The following DGKI variants were observed in gnomAD, a reference collection of about 807,000 sequenced individuals.
DGKI encodes diacylglycerol kinase iota.
DGKI carries 55 observed loss-of-function variants against 147.5 expected under a neutral mutation model. The ratio of observed to expected loss-of-function variants is 0.37; its 90% CI spans 0.30 to 0.47. The LOEUF is 0.47. DGKI is among the 20% of genes least tolerant of loss of function. DGKI has a pLI of 1.00. For missense variants in DGKI, 1,007 were observed against 1,323.8 expected (o/e 0.76, Z 3.71); for synonymous variants, 469 against 477.1 (o/e 0.98, Z 0.22).
At chr7:137,573,393 T>C (rs1818858790) in intron 17 of DGKI, among the ~76,000 whole-genome samples, 1 of 152,224 alleles carries the variant, frequency 6.6e-6, no homozygotes, top group South Asian at 2.1e-4. Flanking sequence ...CATACAGTAG[T>C]ATTATCTTCA....
rs1352314846 is a variant in DGKI, at chr7:137,387,440, G to C, written c.*3780C>G. 6.6e-6 allele frequency: 1 copy of C among 152,072 alleles called. No homozygotes were observed. The highest frequency in any genetic ancestry group is 1.5e-5 in the Non-Finnish European group (1 of 68,012). 9.4% of individuals were successfully genotyped at this position (152,072 alleles called of 1,614,324 possible). A position where few individuals can be genotyped will look rare whatever the true frequency, so the allele number is the denominator to read the frequency against. On this transcript the variant is annotated 3_prime_UTR_variant, in exon 33 of 33. Coordinates refer to ENST00000614521, the MANE Select transcript of DGKI (RefSeq NM_001321708.2). ...TCTGTTTAACCTGTCTTTGCCTACTGGTGTTCACTAGACATATACAAATGA... is the reference window on the plus strand; with the variant it reads ...TCTGTTTAACCTGTCTTTGCCTACTCGTGTTCACTAGACATATACAAATGA...
At chr7:137,672,773 T>A (rs1448516049) in intron 3 of DGKI, among the ~76,000 whole-genome samples, 1 of 63,332 alleles carries the variant, frequency 1.6e-5, no homozygotes, top group African/African-American at 5.4e-5. Context: ...TGTCTTTTTT[T>A]TTTTTTTTTT....
intron 8 of DGKI, among the ~76,000 whole-genome samples, chr7:137,618,152 T>TGTATATA (rs1554442534): frequency 2.1e-4 from 3 of 14,390 alleles, no homozygotes; most frequent in African/African-American, 3.9e-4. Flanking sequence ...TATATATATA[T>TGTATATA]TTTTTTTTTT....
At chr7:137,544,039 T>A (rs978320393) in intron 20 of DGKI, among the ~76,000 whole-genome samples, 1 of 152,188 alleles carries the variant, frequency 6.6e-6, no homozygotes, top group African/African-American at 2.4e-5. Flanking sequence ...TAAAATATTT[T>A]CAAATTAACA....
At chr7:137,469,013 TA>T (rs1179002579) in intron 24 of DGKI, among the ~76,000 whole-genome samples, 2 of 152,068 alleles carry the variant, frequency 1.3e-5, no homozygotes, top group Non-Finnish European at 2.9e-5. Context: ...ATACTTGAGA[TA>T]AAAAAACGGA....
intron 1 of DGKI, among the ~76,000 whole-genome samples, chr7:137,830,974 C>T (rs1798200905): frequency 1.3e-5 from 2 of 152,178 alleles, no homozygotes; most frequent in South Asian, 2.1e-4. Flanking sequence ...GTGATAACTA[C>T]TCAGAGTTGT....
At chr7:137,707,049 C>T (rs2116542016) in intron 1 of DGKI, among the ~76,000 whole-genome samples, 1 of 152,320 alleles carries the variant, frequency 6.6e-6, no homozygotes, top group South Asian at 2.1e-4. Flanking sequence ...TCTATCCTTC[C>T]TAACAGTCTC....
intron 1 of DGKI, among the ~76,000 whole-genome samples, chr7:137,802,829 C>G (rs905219696): frequency 2.8e-4 from 43 of 152,158 alleles, no homozygotes; most frequent in African/African-American, 9.9e-4. Context: ...ACATCTTACT[C>G]TGGCCTTTAT....
chr7:137,635,268 C>T (rs1053251974), intron 6 of DGKI, among the ~76,000 whole-genome samples: 2 of 152,182 alleles, frequency 1.3e-5, no homozygotes, highest in Admixed American at 1.3e-4. Flanking sequence ...GAGCTGGCTC[C>T]TGCCACTGCT....
intron 28 of DGKI, among the ~76,000 whole-genome samples, chr7:137,419,252 T>A (rs920856172): frequency 1.3e-5 from 2 of 152,234 alleles, no homozygotes; most frequent in African/African-American, 4.8e-5. Flanking sequence ...AAGGCCCAAC[T>A]TTTTGTGTGT....
intron 21 of DGKI, among the ~76,000 whole-genome samples, chr7:137,489,821 C>A (rs548920153): frequency 6.6e-6 from 1 of 152,168 alleles, no homozygotes; most frequent in Admixed American, 6.5e-5. Flanking sequence ...TTTATACATA[C>A]GCAGGAATCC....
At chr7:137,820,746 G>A (rs569893706) in intron 1 of DGKI, among the ~76,000 whole-genome samples, 1 of 152,008 alleles carries the variant, frequency 6.6e-6, no homozygotes, top group Non-Finnish European at 1.5e-5. Context: ...CTGCTTGCAA[G>A]TAAAGCCAGC....
At chr7:137,648,949 T>A (rs570017443) in intron 5 of DGKI, among the ~76,000 whole-genome samples, 1 of 152,206 alleles carries the variant, frequency 6.6e-6, no homozygotes, top group African/African-American at 2.4e-5. Context: ...AACTAAGGCA[T>A]GGATTGATAA....
chr7:137,638,165 A>G (rs777456546), intron 6 of DGKI, among the ~76,000 whole-genome samples: 14 of 151,980 alleles, frequency 9.2e-5, no homozygotes, highest in Non-Finnish European at 2.1e-4. Flanking sequence ...GCTTGTAAAT[A>G]TCAGCTTGGT....
At chr7:137,401,841 T>C (rs1811773086) in intron 30 of DGKI, among the ~76,000 whole-genome samples, 2 of 152,154 alleles carry the variant, frequency 1.3e-5, no homozygotes, top group Non-Finnish European at 2.9e-5. Flanking sequence ...TCCATGAAAA[T>C]TTCAGATGAA....
chr7:137,519,735 G>C (rs1245527817), intron 21 of DGKI, among the ~76,000 whole-genome samples: 1 of 152,022 alleles, frequency 6.6e-6, no homozygotes, highest in Non-Finnish European at 1.5e-5. Flanking sequence ...AAGAGTAAAG[G>C]TTAGTAGGAG....
chr7:137,508,434 G>T (rs1216235538), intron 21 of DGKI, among the ~76,000 whole-genome samples: 4 of 151,876 alleles, frequency 2.6e-5, no homozygotes, highest in African/African-American at 9.7e-5. Context: ...CACCGTGTTA[G>T]CCAGGATGGT....
At chr7:137,811,783 G>T (rs890754820) in intron 1 of DGKI, among the ~76,000 whole-genome samples, 4 of 152,132 alleles carry the variant, frequency 2.6e-5, no homozygotes, top group Non-Finnish European at 4.4e-5. Context: ...TTTATCATCT[G>T]TGCTAAATAC....
intron 1 of DGKI, among the ~76,000 whole-genome samples, chr7:137,779,053 T>C (rs962190488): frequency 1.4e-4 from 22 of 152,186 alleles, no homozygotes; most frequent in African/African-American, 5.1e-4. Context: ...TACATTAATC[T>C]TGAAAACAGA....
Sources: allele counts gnomAD v4.1 joint callset (sites outside exome capture counted in the v4.1 genomes callset), GRCh38; gene constraint gnomAD v4.1.1; transcripts MANE v1.5; gene names NCBI Gene and HGNC (gene_info 2026-07-23, HGNC 2026-07-21).